The following KCNQ5 variants were observed in gnomAD, a reference collection of about 807,000 sequenced individuals.
KCNQ5 encodes potassium voltage-gated channel subfamily KQT member 5.
KCNQ5 carries 30 observed loss-of-function variants against 98.2 expected under a neutral mutation model. That is an observed-to-expected ratio of 0.31 (90% CI 0.23 to 0.41). KCNQ5 has a LOEUF of 0.41. KCNQ5 is among the 10% of genes least tolerant of loss of function. The probability of loss-of-function intolerance (pLI) is 1.00; values close to 1 mark genes in which losing one functional copy is unlikely to be tolerated. For missense variants in KCNQ5, 835 were observed against 1,182.5 expected (o/e 0.71, Z 4.31); for synonymous variants, 458 against 449.4 (o/e 1.02, Z -0.24).
At chr6:72,629,387 T>G (rs1254364512) in intron 1 of KCNQ5, among the ~76,000 whole-genome samples, 1 of 133,692 alleles carries the variant, frequency 7.5e-6, no homozygotes, top group Non-Finnish European at 1.7e-5. Context: ...TATAAAATGT[T>G]TCATACTCTT....
Position 72,738,133 on chromosome 6 carries a change from C to T in KCNQ5, c.398+115546C>T, listed in dbSNP as rs556093422. Among the ~76,000 whole-genome samples the T allele has an allele frequency of 1.4e-3, 212 of 150,394 alleles. 1 individual carries two copies. The highest frequency in any genetic ancestry group is 5.0e-3 in the African/African-American group (201 of 40,340). On this transcript the variant is annotated intron_variant, in intron 1 of 13. Coordinates refer to ENST00000370398, the MANE Select transcript of KCNQ5 (RefSeq NM_019842.4). Reference sequence around the variant, plus strand: ...GCATGCCACTGCACTCCAGCCTGGGCGACAAAGCAAGACTCCATTTCAAAA... The same window carrying T: ...GCATGCCACTGCACTCCAGCCTGGGTGACAAAGCAAGACTCCATTTCAAAA...
chr6:72,887,930 G>A (rs1778908087), intron 1 of KCNQ5, among the ~76,000 whole-genome samples: 1 of 151,982 alleles, frequency 6.6e-6, no homozygotes, highest in African/African-American at 2.4e-5. Context: ...AAGAATGACA[G>A]ATAATACATT....
At chr6:72,802,273 G>A (rs946651245) in intron 1 of KCNQ5, among the ~76,000 whole-genome samples, 3 of 152,090 alleles carry the variant, frequency 2.0e-5, no homozygotes, top group East Asian at 1.9e-4. Context: ...CCAATCAGAC[G>A]TAGATTTGGT....
At chr6:72,721,783 C>T (rs1769971471) in intron 1 of KCNQ5, among the ~76,000 whole-genome samples, 1 of 152,184 alleles carries the variant, frequency 6.6e-6, no homozygotes, top group African/African-American at 2.4e-5. Context: ...CCTGTTTTCT[C>T]ACTTGTCTTC....
chr6:72,984,136 G>A (rs9360626), intron 1 of KCNQ5, among the ~76,000 whole-genome samples: 120,377 of 152,124 alleles, frequency 0.79, 49,400 homozygotes, highest in Non-Finnish European at 0.9. Flanking sequence ...CCTACTGGGA[G>A]CTGTCTCCCA....
intron 1 of KCNQ5, among the ~76,000 whole-genome samples, chr6:72,623,322 C>A (rs2098916444): frequency 6.6e-6 from 1 of 151,680 alleles, no homozygotes; most frequent in African/African-American, 2.4e-5. Flanking sequence ...ATAGCAGAAG[C>A]GCAAATGGGT....
chr6:72,843,267 A>G (rs1270124503), intron 1 of KCNQ5, among the ~76,000 whole-genome samples: 1 of 152,118 alleles, frequency 6.6e-6, no homozygotes, highest in Non-Finnish European at 1.5e-5. Flanking sequence ...TGTTTTTGTC[A>G]GGTTTGTCAA....
chr6:72,644,943 G>A (rs1765511090), intron 1 of KCNQ5, among the ~76,000 whole-genome samples: 1 of 152,068 alleles, frequency 6.6e-6, no homozygotes, highest in East Asian at 1.9e-4. Context: ...TTGCAAATTA[G>A]GAGTATTTTA....
intron 1 of KCNQ5, among the ~76,000 whole-genome samples, chr6:72,824,166 CTAA>C (rs1409637513): frequency 4.0e-5 from 6 of 151,784 alleles, no homozygotes; most frequent in African/African-American, 1.5e-4. Flanking sequence ...TAAATAATTA[CTAA>C]TATTTGAAGA....
At chr6:72,686,719 T>TG (rs1240764175) in intron 1 of KCNQ5, among the ~76,000 whole-genome samples, 2 of 146,378 alleles carry the variant, frequency 1.4e-5, no homozygotes, top group Non-Finnish European at 3.0e-5. Context: ...TATGGGTTGT[T>TG]TTTTTTTTTT....
At chr6:72,655,062 TTCTTTCTTTCTTTC>T (rs1766101599) in intron 1 of KCNQ5, among the ~76,000 whole-genome samples, 1 of 150,608 alleles carries the variant, frequency 6.6e-6, no homozygotes, top group African/African-American at 2.4e-5. Context: ...CTTTCTTTCT[TTCTTTCTTTCTTTC>T]TTTCTTTCTT....
intron 11 of KCNQ5, among the ~76,000 whole-genome samples, chr6:73,173,058 A>T (rs1778072296): frequency 6.6e-6 from 1 of 152,254 alleles, no homozygotes; most frequent in African/African-American, 2.4e-5. Flanking sequence ...CACTTTTTAA[A>T]AAATAAATAA....
chr6:72,895,121 A>G lies in KCNQ5; in HGVS notation c.399-108787A>G, dbSNP rs1009311094. On this transcript the variant is annotated intron_variant, in intron 1 of 13. Coordinates refer to ENST00000370398, the MANE Select transcript of KCNQ5 (RefSeq NM_019842.4). ...GTGAAACCCCATCTCTACTAAAAAA[A>G]AAAAAAAAAAAAAAAAAATTAGCTG... is the stretch of plus-strand genomic sequence containing the variant. Among the ~76,000 whole-genome samples, 18 of 149,330 alleles carry G rather than the reference A, an allele frequency of 1.2e-4. No homozygotes were observed. In the East Asian group the frequency reaches 2.7e-3, roughly 23 times the overall value.
At chr6:73,187,515 T>C (rs1405612059) in intron 11 of KCNQ5, among the ~76,000 whole-genome samples, 8 of 152,150 alleles carry the variant, frequency 5.3e-5, no homozygotes, top group Admixed American at 5.2e-4. Context: ...AGTAGGAAAA[T>C]CTGTAAGTAA....
At chr6:72,858,722 C>T (rs924077989) in intron 1 of KCNQ5, among the ~76,000 whole-genome samples, 6 of 151,938 alleles carry the variant, frequency 3.9e-5, no homozygotes, top group South Asian at 2.1e-4. Context: ...TGTTGTCTAA[C>T]GCTTCCATTC....
intron 1 of KCNQ5, among the ~76,000 whole-genome samples, chr6:72,776,946 G>A (rs1373625405): frequency 1.3e-5 from 2 of 152,126 alleles, no homozygotes; most frequent in African/African-American, 2.4e-5. Context: ...TTGGAAGATG[G>A]GTGGGATTTA....
At position 72,658,578 on chromosome 6, in the gene KCNQ5, A is replaced by ATTTTTTT. The variant is rs1219877866; in HGVS notation, c.398+36005_398+36011dup. Among the ~76,000 whole-genome samples, 18 of 76,354 alleles carry ATTTTTTT rather than the reference A, an allele frequency of 2.4e-4. 1 individual carries two copies. Among genetic ancestry groups the ATTTTTTT allele is most frequent in the Non-Finnish European group, 4.5e-4 (16 of 35,262 alleles). 50.1% of individuals were successfully genotyped at this position (76,354 alleles called of 152,430 possible). ...TTAAAGGATATATATATATATATATATTTTTTTTTTTTTTTTTTTTGAGAC... is the reference window on the plus strand; with the variant it reads ...TTAAAGGATATATATATATATATATATTTTTTTTTTTTTTTTTTTTTTTTTTTGAGAC... On this transcript the variant is annotated intron_variant, in intron 1 of 13. Coordinates refer to ENST00000370398, the MANE Select transcript of KCNQ5 (RefSeq NM_019842.4).
At chr6:73,096,336 CAAAAAA>C (rs151045845) in intron 5 of KCNQ5, among the ~76,000 whole-genome samples, 2 of 115,286 alleles carry the variant, frequency 1.7e-5, no homozygotes, top group African/African-American at 7.1e-5. Context: ...GGTCCTTAGG[CAAAAAA>C]AAAAAAAAAA....
intron 1 of KCNQ5, among the ~76,000 whole-genome samples, chr6:72,801,618 C>T (rs1774662400): frequency 7.6e-6 from 1 of 132,214 alleles, no homozygotes; most frequent in Admixed American, 7.7e-5. Context: ...AGCATTTAGT[C>T]CATTTACATT....
Sources: allele counts gnomAD v4.1 joint callset (sites outside exome capture counted in the v4.1 genomes callset), GRCh38; gene constraint gnomAD v4.1.1; transcripts MANE v1.5; gene names NCBI Gene and HGNC (gene_info 2026-07-23, HGNC 2026-07-21).